Variants in IQUB observed in about 807,000 individuals in gnomAD.
IQUB encodes the protein IQ motif and ubiquitin domain containing, also known as IQ motif and ubiquitin-like domain-containing protein.
IQUB carries 86 observed loss-of-function variants against 86.4 expected under a neutral mutation model. The observed-to-expected ratio is 1.00, with a 90% confidence interval of 0.84 to 1.19. The LOEUF (loss-of-function observed/expected upper bound fraction) is 1.19. IQUB is among the 50% of genes most tolerant of loss of function. IQUB has a pLI of 0.00. For synonymous variants in IQUB, 289 were observed against 304.5 expected, an observed-to-expected ratio of 0.95 and a Z score of 0.53; for missense variants, 946 against 916.9, an observed-to-expected ratio of 1.03 and a Z score of -0.41.
intron 1 of IQUB, among the ~76,000 whole-genome samples, chr7:123,516,074 C>T (rs1481046957): frequency 6.6e-6 from 1 of 152,074 alleles, no homozygotes; most frequent in East Asian, 1.9e-4. Context: ...TCTAGATTAT[C>T]CCTTACTAGA....
intron 2 of IQUB, among the ~76,000 whole-genome samples, chr7:123,511,114 T>G (rs1462510266): frequency 1.3e-5 from 2 of 152,152 alleles, no homozygotes; most frequent in Non-Finnish European, 2.9e-5. Flanking sequence ...TCTCCTTCTT[T>G]TCTTTCTTTA....
chr7:123,480,706 G>A (rs1385558448), intron 7 of IQUB, among the ~76,000 whole-genome samples: 1 of 152,008 alleles, frequency 6.6e-6, no homozygotes, highest in Non-Finnish European at 1.5e-5. Flanking sequence ...ATAGTTTTAT[G>A]TAGAATTGTT....
intron 6 of IQUB, among the ~76,000 whole-genome samples, chr7:123,498,366 AC>A (rs1167463405): frequency 1.3e-5 from 2 of 152,170 alleles, no homozygotes; most frequent in African/African-American, 4.8e-5. Flanking sequence ...GTAAATCAAA[AC>A]AAAACAAAAT....
At chr7:123,508,190 A>G (rs965187973) in intron 3 of IQUB, among the ~76,000 whole-genome samples, 1 of 152,240 alleles carries the variant, frequency 6.6e-6, no homozygotes, top group Non-Finnish European at 1.5e-5. Context: ...GAAGGGCCTA[A>G]TAAGCCAAGA....
At position 123,472,844 on chromosome 7, in the gene IQUB, C is replaced by A. The variant is rs150287542; in HGVS notation, c.1411-3460G>T. On this transcript the variant is annotated intron_variant, in intron 8 of 12. Coordinates refer to ENST00000324698, the MANE Select transcript of IQUB (RefSeq NM_178827.5). Reference sequence around the variant, plus strand: ...TTTGCTTATTTCTCTTCCTTATTTCCTTTTTTCTTTGAAAGCTTTGGCTGT... The same window carrying A: ...TTTGCTTATTTCTCTTCCTTATTTCATTTTTTCTTTGAAAGCTTTGGCTGT... Among the ~76,000 whole-genome samples the A allele has an allele frequency of 1.4e-3, 218 of 152,228 alleles. 3 individuals are homozygous for A. In the East Asian group the frequency reaches 0.028, roughly 19 times the overall value.
rs113961189 is a variant in IQUB at position 123,457,341 on chromosome 7, T to C, written c.2193+40A>G. The C allele has an allele frequency of 8.4e-4, 1,337 of 1,597,556 alleles. 12 individuals are homozygous for C. In the East Asian group the frequency reaches 0.011, roughly 14 times the overall value. On this transcript the variant is annotated intron_variant, in intron 12 of 12. Transcript: ENST00000324698. ...GTCCAGTTATCGCTAATAATTCCAATGATTAAATTAACTTCCCAAATAAAA... is the reference window on the plus strand; with the variant it reads ...GTCCAGTTATCGCTAATAATTCCAACGATTAAATTAACTTCCCAAATAAAA...
intron 3 of IQUB, among the ~76,000 whole-genome samples, chr7:123,506,517 G>A (rs1268400383): frequency 6.6e-6 from 1 of 152,102 alleles, no homozygotes; most frequent in African/African-American, 2.4e-5. Flanking sequence ...CATGGCAAAA[G>A]GTGAAGAAGG....
intron 1 of IQUB, among the ~76,000 whole-genome samples, chr7:123,525,299 T>G (rs1473536994): frequency 6.6e-6 from 1 of 152,174 alleles, no homozygotes; most frequent in Non-Finnish European, 1.5e-5. Context: ...CTTGTACCTC[T>G]GGTAGAATTC....
intron 7 of IQUB, among the ~76,000 whole-genome samples, chr7:123,496,108 A>G (rs550681495): frequency 1.3e-5 from 2 of 152,256 alleles, no homozygotes; most frequent in African/African-American, 2.4e-5. Context: ...ACCTCCAAGA[A>G]GGGGAATCGT....
In IQUB at chr7:123,512,282, C is replaced by A. The variant is rs1421629326; in HGVS notation, c.59G>T (p.Ser20Ile). The A allele has an allele frequency of 1.1e-5, 18 of 1,610,766 alleles. No individual in the cohort carries two copies. The highest frequency in any genetic ancestry group is 1.5e-5 in the Non-Finnish European group (18 of 1,177,240). Residue 20 changes from serine (S) to isoleucine (I), a missense_variant, in exon 2 of 13, where the codon AGT becomes ATT. Ser to Ile is a moderately radical substitution (Grantham distance 142). Coordinates refer to ENST00000324698, the MANE Select transcript of IQUB (RefSeq NM_178827.5). ...AGTGACAGTATCAAAAGCATCATCA[C>A]TCTCTTCTGTTGAATTGACTATATT... Reference protein sequence around the residue: ...AQNIVNSTEESDDAFDTVTIP... With the variant: ...AQNIVNSTEEIDDAFDTVTIP...
intron 12 of IQUB, among the ~76,000 whole-genome samples, chr7:123,455,925 G>C (rs539068463): frequency 1.4e-4 from 22 of 151,962 alleles, no homozygotes; most frequent in Non-Finnish European, 7.4e-5. Flanking sequence ...GTTTTTCCAC[G>C]TTTCCTATAC....
At chr7:123,513,906 C>T (rs1796536742) in intron 1 of IQUB, among the ~76,000 whole-genome samples, 1 of 152,186 alleles carries the variant, frequency 6.6e-6, no homozygotes, top group South Asian at 2.1e-4. Flanking sequence ...GCCTCAGCCT[C>T]CCAAAGTGTT....
chr7:123,523,008 C>T (rs1468151738), intron 1 of IQUB, among the ~76,000 whole-genome samples: 5 of 150,348 alleles, frequency 3.3e-5, no homozygotes, highest in African/African-American at 1.2e-4. Flanking sequence ...CCAATTTCAT[C>T]CATGTCCCTA....
chr7:123,513,218 C>T (rs532581231), intron 1 of IQUB, among the ~76,000 whole-genome samples: 1 of 151,898 alleles, frequency 6.6e-6, no homozygotes, highest in African/African-American at 2.4e-5. Flanking sequence ...AATTCTCTGG[C>T]TACTAAGTTA....
chr7:123,498,351 C>A (rs964815207), intron 6 of IQUB, among the ~76,000 whole-genome samples: 2 of 151,716 alleles, frequency 1.3e-5, no homozygotes, highest in Non-Finnish European at 2.9e-5. Flanking sequence ...TTTAGAACTA[C>A]TAGAGTAAAT....
Position 123,464,929 on chromosome 7 carries a change from A to G in IQUB, c.1662T>C (p.His554=). The change falls in exon 10 of 13, where the codon CAT becomes CAC. Residue 554 remains histidine, a synonymous_variant. Transcript: ENST00000324698. ...TTTTTCTGAGTCCTTCAAGGTTATG[A>G]TGTTTGACTCCTCTCATCATAAGGT... ...EVDLMMRGVK[H]HNLEGLRKRI... 2 of 1,604,912 alleles carry G rather than the reference A, an allele frequency of 1.2e-6. No individual in the cohort carries two copies. The highest frequency in any genetic ancestry group is 1.1e-5 in the South Asian group (1 of 89,658).
At chr7:123,523,002 T>C (rs1796988878) in intron 1 of IQUB, among the ~76,000 whole-genome samples, 1 of 150,286 alleles carries the variant, frequency 6.7e-6, no homozygotes, top group Non-Finnish European at 1.5e-5. Flanking sequence ...TGATTTCCAA[T>C]TTCATCCATG....
chr7:123,504,829 A>T (rs954686509), intron 3 of IQUB, among the ~76,000 whole-genome samples: 1 of 152,164 alleles, frequency 6.6e-6, no homozygotes, highest in African/African-American at 2.4e-5. Context: ...AAATACAATC[A>T]TTCCTTCTTA....
At chr7:123,511,831 G>A in intron 2 of IQUB, 113 bp downstream of exon 2, 1 of 756,682 alleles carries the variant, frequency 1.3e-6, no homozygotes, top group African/African-American at 1.8e-5. Flanking sequence ...ATAAGGGAAA[G>A]GGAAAGGAAT....
Sources: gnomAD v4.1 joint callset for allele counts (sites outside exome capture counted in the v4.1 genomes callset) on GRCh38, gnomAD v4.1.1 for gene constraint, MANE v1.5 for transcripts, NCBI Gene and HGNC (gene_info 2026-07-23, HGNC 2026-07-21) for gene names.